Variants in SLC20A2 observed in about 807,000 individuals in gnomAD.
SLC20A2 encodes sodium-dependent phosphate transporter 2.
Under a neutral mutation model 61.0 loss-of-function variants are expected in SLC20A2, and 30 were observed. The observed-to-expected ratio is 0.49, with a 90% CI of 0.37 to 0.67. SLC20A2 has a LOEUF of 0.67. Ranked by LOEUF, SLC20A2 falls within the 30% of genes least tolerant of loss-of-function variation. The pLI is 0.00. For synonymous variants in SLC20A2, 351 were observed against 353.3 expected, an observed-to-expected ratio of 0.99 and a Z score of 0.07; for missense variants, 626 against 866.4, an observed-to-expected ratio of 0.72 and a Z score of 3.48.
intron 10 of SLC20A2, among the ~76,000 whole-genome samples, chr8:42,424,646 C>T (rs1803275470): frequency 6.6e-6 from 1 of 152,206 alleles, no homozygotes; most frequent in African/African-American, 2.4e-5. Flanking sequence ...AATGTGATAA[C>T]AGGACTTTCC....
chr8:42,434,612 G>A (rs535172063), intron 8 of SLC20A2, among the ~76,000 whole-genome samples: 5 of 152,338 alleles, frequency 3.3e-5, no homozygotes, highest in African/African-American at 9.6e-5. Context: ...CCCTGGCTCA[G>A]AGGGATGTTA....
chr8:42,420,409 G>A (rs967431236), intron 10 of SLC20A2, among the ~76,000 whole-genome samples: 2 of 151,936 alleles, frequency 1.3e-5, no homozygotes, highest in Non-Finnish European at 2.9e-5. Flanking sequence ...TCCTTGGCTT[G>A]AATATTTGAT....
At chr8:42,445,858 C>G (rs2131060758) in intron 5 of SLC20A2, among the ~76,000 whole-genome samples, 1 of 152,372 alleles carries the variant, frequency 6.6e-6, no homozygotes, top group Non-Finnish European at 1.5e-5. Context: ...CAACTGAGGC[C>G]TCTCCTAGTT....
rs965554049 is a variant in SLC20A2, at chr8:42,417,131, C to G, written c.*672G>C. 3 of 152,536 alleles carry G rather than the reference C, an allele frequency of 2.0e-5. No individual in the cohort carries two copies. Among genetic ancestry groups the G allele is most frequent in the Non-Finnish European group, 4.4e-5 (3 of 68,034 alleles). The allele number at this position is 152,536 out of a possible 1,614,324, so 9.4% of individuals were successfully genotyped here. A position where few individuals can be genotyped will look rare whatever the true frequency, so the allele number is the denominator to read the frequency against. On this transcript the variant is annotated 3_prime_UTR_variant, in exon 11 of 11. Coordinates refer to ENST00000520262, the MANE Select transcript of SLC20A2 (RefSeq NM_001257180.2). ...TTGGTACTTTCCAAAATTCTCTGAT[C>G]AAAAAAGTATAAGGGAAGCACACCA...
At chr8:42,461,569 G>A (rs771933324) in intron 4 of SLC20A2, among the ~76,000 whole-genome samples, 1 of 150,756 alleles carries the variant, frequency 6.6e-6, no homozygotes, top group African/African-American at 2.4e-5. Context: ...TCATGCTTCC[G>A]CCTCCCAAGT....
At chr8:42,532,755 C>T (rs116780367) in intron 1 of SLC20A2, among the ~76,000 whole-genome samples, 292 of 152,218 alleles carry the variant, frequency 1.9e-3, no homozygotes, top group African/African-American at 6.6e-3. Flanking sequence ...ATAAGACACA[C>T]GGGAGACCAA....
intron 1 of SLC20A2, among the ~76,000 whole-genome samples, chr8:42,525,412 T>A (rs1465760173): frequency 2.0e-5 from 3 of 151,704 alleles, no homozygotes; most frequent in African/African-American, 7.3e-5. Flanking sequence ...TGAAACCCCG[T>A]CTGTACCACA....
upstream of SLC20A2, among the ~76,000 whole-genome samples, chr8:42,506,123 TAG>T (rs1810687223): frequency 6.6e-6 from 1 of 152,092 alleles, no homozygotes; most frequent in Admixed American, 6.6e-5. Context: ...GTATTTTTAG[TAG>T]AGACGGGGTT....
At chr8:42,469,431 CT>C (rs1230764031) in intron 2 of SLC20A2, among the ~76,000 whole-genome samples, 3 of 152,080 alleles carry the variant, frequency 2.0e-5, no homozygotes, top group Non-Finnish European at 4.4e-5. Context: ...GGTAAGTATC[CT>C]TCATTCTTTC....
At chr8:42,507,307 C>T (rs1049271922) in intron 1 of SLC20A2, among the ~76,000 whole-genome samples, 2 of 151,718 alleles carry the variant, frequency 1.3e-5, no homozygotes, top group Non-Finnish European at 2.9e-5. Flanking sequence ...ACTTCAGAAA[C>T]GGACTCAGTT....
Position 42,417,769 on chromosome 8 carries a change from T to C in SLC20A2, c.*34A>G, listed in dbSNP as rs111446505. 6 of 1,608,488 alleles carry C rather than the reference T, an allele frequency of 3.7e-6. No individual in the cohort carries two copies. Among genetic ancestry groups the C allele is most frequent in the African/African-American group, 2.7e-5 (2 of 74,860 alleles). On this transcript the variant is annotated 3_prime_UTR_variant, in exon 11 of 11. Coordinates refer to ENST00000520262, the MANE Select transcript of SLC20A2 (RefSeq NM_001257180.2). ...TCTCCCACACGCCAACACCAGACCA[T>C]CCCTTTAGCTGTTTGCAGCTGGAAG...
At chr8:42,533,948 T>C (rs1404500189) in intron 1 of SLC20A2, among the ~76,000 whole-genome samples, 2 of 101,866 alleles carry the variant, frequency 2.0e-5, no homozygotes, top group Non-Finnish European at 3.8e-5. Context: ...GTTCGTTACT[T>C]ACAAAAACTT....
chr8:42,428,201 A>G (rs1379340906), intron 10 of SLC20A2, among the ~76,000 whole-genome samples: 3 of 152,320 alleles, frequency 2.0e-5, no homozygotes, highest in South Asian at 4.1e-4. Flanking sequence ...CACCATGACC[A>G]GGAGCCCTCT....
upstream of SLC20A2, among the ~76,000 whole-genome samples, chr8:42,502,906 G>A (rs1470714187): frequency 6.6e-6 from 1 of 152,182 alleles, no homozygotes; most frequent in Non-Finnish European, 1.5e-5. Context: ...CATAGTTCAG[G>A]ACAAAAGTCT....
At chr8:42,484,715 A>G in intron 1 of SLC20A2, 1 of 380,756 alleles carries the variant, frequency 2.6e-6, no homozygotes, top group Non-Finnish European at 5.1e-6. Flanking sequence ...GGTGTGGTCT[A>G]TGGCTGGCAG....
At chr8:42,419,703 A>C in intron 10 of SLC20A2, 2 of 972,056 alleles carry the variant, frequency 2.1e-6, no homozygotes, top group Non-Finnish European at 2.4e-6. Flanking sequence ...TTTTATAAAT[A>C]GCTGTTAATG....
chr8:42,455,290 A>AGAGC (rs1806101597), intron 5 of SLC20A2, among the ~76,000 whole-genome samples: 11 of 139,544 alleles, frequency 7.9e-5, no homozygotes, highest in African/African-American at 2.9e-4. Context: ...AGAGAGAGAG[A>AGAGC]GAGCGTGCGC....
At chr8:42,451,623 GGAGGAGGAAGAGATGAAGAGGAA>G (rs1805665633) in intron 5 of SLC20A2, among the ~76,000 whole-genome samples, 1 of 136,744 alleles carries the variant, frequency 7.3e-6, no homozygotes, top group African/African-American at 2.8e-5. Context: ...ATGAAGAGGA[GGAGGAGGAAGAGATGAAGAGGAA>G]GAGGAGGAAG....
chr8:42,518,604 T>C (rs1337547749), intron 1 of SLC20A2, among the ~76,000 whole-genome samples: 2 of 152,224 alleles, frequency 1.3e-5, no homozygotes, highest in African/African-American at 4.8e-5. Context: ...AACTCTTGTT[T>C]TTTATTCATC....
Sources: allele counts gnomAD v4.1 joint callset (sites outside exome capture counted in the v4.1 genomes callset), GRCh38; gene constraint gnomAD v4.1.1; transcripts MANE v1.5; gene names NCBI Gene and HGNC (gene_info 2026-07-23, HGNC 2026-07-21).